SLC24A4: variants seen among roughly 807,000 people sequenced by gnomAD.
SLC24A4 encodes the protein sodium/potassium/calcium exchanger 4.
Under a neutral mutation model 79.0 loss-of-function variants are expected in SLC24A4, and 53 were observed. The observed-to-expected ratio is 0.67, with a 90% CI of 0.54 to 0.84. The LOEUF (loss-of-function observed/expected upper bound fraction) is 0.84, where lower values mean the gene tolerates loss of function less well. SLC24A4 is among the 40% of genes least tolerant of loss of function. The pLI is 0.00. For synonymous variants in SLC24A4, 323 were observed against 323.8 expected, an observed-to-expected ratio of 1.00 and a Z score of 0.03; for missense variants, 731 against 822.0, an observed-to-expected ratio of 0.89 and a Z score of 1.35.
intron 2 of SLC24A4, among the ~76,000 whole-genome samples, chr14:92,385,574 C>T (rs369711714): frequency 1.3e-5 from 2 of 152,228 alleles, no homozygotes; most frequent in East Asian, 3.9e-4. Flanking sequence ...CCATTTCACC[C>T]ATTATTATTC....
At chr14:92,483,734 A>C in intron 13 of SLC24A4, 1 of 1,289,794 alleles carries the variant, frequency 7.8e-7, no homozygotes, top group Non-Finnish European at 1.0e-6. Flanking sequence ...CCAGGAGCAA[A>C]GAGAGGGGAA....
intron 3 of SLC24A4, among the ~76,000 whole-genome samples, chr14:92,435,630 AT>A (rs1423388495): frequency 6.6e-6 from 1 of 152,182 alleles, no homozygotes; most frequent in African/African-American, 2.4e-5. Context: ...CCAACCCAGT[AT>A]TAACTCTTTG....
Position 92,412,972 on chromosome 14 carries a change from T to C in SLC24A4, c.242-20940T>C, listed in dbSNP as rs184326103. ...CAGAGAATTCAGATTTTAGTGAACATAAATAAAGTTTTATTGGAACACAGC... is the reference window on the plus strand; with the variant it reads ...CAGAGAATTCAGATTTTAGTGAACACAAATAAAGTTTTATTGGAACACAGC... On this transcript the variant is annotated intron_variant, in intron 2 of 16. Coordinates refer to ENST00000532405, the MANE Select transcript of SLC24A4 (RefSeq NM_153646.4). Among the ~76,000 whole-genome samples, 633 of 152,350 alleles carry C rather than the reference T, an allele frequency of 4.2e-3. 6 individuals carry two copies. The highest frequency in any genetic ancestry group is 0.014 in the African/African-American group (592 of 41,568).
At chr14:92,445,544 C>A (rs1892754085) in intron 8 of SLC24A4, among the ~76,000 whole-genome samples, 1 of 152,186 alleles carries the variant, frequency 6.6e-6, no homozygotes, top group Non-Finnish European at 1.5e-5. Flanking sequence ...CCTTAATAGT[C>A]CCAGCCTGCT....
chr14:92,400,546 A>T (rs917359516), intron 2 of SLC24A4, among the ~76,000 whole-genome samples: 3 of 151,910 alleles, frequency 2.0e-5, no homozygotes, highest in Non-Finnish European at 4.4e-5. Flanking sequence ...GAAGCTCTGG[A>T]CACAGTCGCC....
rs183665134 is a variant in SLC24A4, at chr14:92,490,959, A to C, written c.1538-706A>C. Among the ~76,000 whole-genome samples, 1 of 152,204 alleles carries C rather than the reference A, an allele frequency of 6.6e-6. No homozygotes were observed. On this transcript the variant is annotated intron_variant, in intron 14 of 16. Transcript: ENST00000532405. This position sits in a 1 kb window ranked among gnomAD's most constrained non-coding sequence, Gnocchi z 4.3. Reference sequence around the variant, plus strand: ...TCATCTTTGCCCAGGTTCTCCCTGCATGTCCAGTTTTCTCCTTTTTATAAG... The same window carrying C: ...TCATCTTTGCCCAGGTTCTCCCTGCCTGTCCAGTTTTCTCCTTTTTATAAG...
At chr14:92,452,029 G>C (rs7143110) in intron 10 of SLC24A4, 74,483 of 152,172 alleles carry the variant, frequency 0.49, 19,042 homozygotes, top group African/African-American at 0.64. Context: ...GTCCCGGGAG[G>C]CAGGCATCCT....
chr14:92,331,360 T>C (rs113917360), intron 2 of SLC24A4, among the ~76,000 whole-genome samples: 31,132 of 152,210 alleles, frequency 0.2, 3,467 homozygotes, highest in African/African-American at 0.28. Context: ...CTCAGCTTAC[T>C]GCAGTCTCGA....
chr14:92,373,194 G>GCACA (rs955866362), intron 2 of SLC24A4, among the ~76,000 whole-genome samples: 1 of 31,074 alleles, frequency 3.2e-5, no homozygotes, highest in African/African-American at 6.9e-5. Flanking sequence ...ACACACACAC[G>GCACA]CACACACACA....
intron 3 of SLC24A4, among the ~76,000 whole-genome samples, chr14:92,437,976 T>G (rs1384504438): frequency 1.3e-5 from 2 of 152,166 alleles, no homozygotes; most frequent in Non-Finnish European, 2.9e-5. Context: ...CACATTCTGC[T>G]TCAACAAACA....
At chr14:92,328,270 C>G (rs1177334944) in intron 2 of SLC24A4, among the ~76,000 whole-genome samples, 6 of 152,188 alleles carry the variant, frequency 3.9e-5, no homozygotes, top group Non-Finnish European at 7.3e-5. Context: ...GTGTCCAGCT[C>G]TATTGTGGAC....
chr14:92,428,480 C>T (rs186321680), intron 2 of SLC24A4, among the ~76,000 whole-genome samples: 1 of 152,314 alleles, frequency 6.6e-6, no homozygotes, highest in African/African-American at 2.4e-5. Flanking sequence ...ATTGGCCTGT[C>T]TACCTGTCAC....
chr14:92,486,064 G>A (rs1895341262), intron 13 of SLC24A4, among the ~76,000 whole-genome samples: 1 of 152,158 alleles, frequency 6.6e-6, no homozygotes, highest in South Asian at 2.1e-4. Context: ...GTCCTGGTGA[G>A]GCTCCAGCAA....
chr14:92,371,923 A>G (rs1888188848), intron 2 of SLC24A4, among the ~76,000 whole-genome samples: 1 of 152,234 alleles, frequency 6.6e-6, no homozygotes, highest in Non-Finnish European at 1.5e-5. Context: ...GCCTGGGTGC[A>G]GCCTCCCATC....
At chr14:92,458,939 C>G (rs1476383561) in intron 12 of SLC24A4, among the ~76,000 whole-genome samples, 3 of 152,076 alleles carry the variant, frequency 2.0e-5, no homozygotes, top group African/African-American at 7.2e-5. Context: ...AGGGGTGGGG[C>G]GAGGAGGAGC....
intron 2 of SLC24A4, among the ~76,000 whole-genome samples, chr14:92,396,103 C>T (rs1055408337): frequency 1.3e-5 from 2 of 152,218 alleles, no homozygotes; most frequent in African/African-American, 4.8e-5. Flanking sequence ...GGATTATAGG[C>T]GTGAGCCATC....
At chr14:92,361,213 A>T (rs1887494251) in intron 2 of SLC24A4, among the ~76,000 whole-genome samples, 1 of 151,326 alleles carries the variant, frequency 6.6e-6, no homozygotes, top group African/African-American at 2.4e-5. Context: ...ATTATGTAAC[A>T]GAACTTTTTT....
intron 6 of SLC24A4, 57 bp from the exon 7 acceptor site, chr14:92,443,343 T>G: frequency 6.4e-7 from 1 of 1,557,678 alleles, no homozygotes; most frequent in Non-Finnish European, 8.8e-7. Flanking sequence ...CCTGGGCAGC[T>G]GCACCCCCTC....
At chr14:92,434,969 T>TC (rs2139792817) in intron 3 of SLC24A4, among the ~76,000 whole-genome samples, 1 of 152,234 alleles carries the variant, frequency 6.6e-6, no homozygotes, top group East Asian at 1.9e-4. Context: ...AGACGGGGTT[T>TC]AACCATGTTG....
Sources: gnomAD v4.1 joint callset for allele counts (sites outside exome capture counted in the v4.1 genomes callset) on GRCh38, gnomAD v4.1.1 for gene constraint, Gnocchi (gnomAD v3.1) non-coding constraint, MANE v1.5 for transcripts, NCBI Gene and HGNC (gene_info 2026-07-23, HGNC 2026-07-21) for gene names.